PDE1C: variants seen among roughly 807,000 people sequenced by gnomAD.
PDE1C encodes phosphodiesterase 1C, also known as dual specificity calcium/calmodulin-dependent 3',5'-cyclic nucleotide phosphodiesterase 1C.
In PDE1C, 62 loss-of-function variants were observed where a neutral mutation model predicts 93.1. The ratio of observed to expected loss-of-function variants is 0.67; its 90% confidence interval spans 0.54 to 0.82. PDE1C has a LOEUF of 0.82. PDE1C is among the 40% of genes least tolerant of loss of function. The pLI, the probability that PDE1C is intolerant of heterozygous loss-of-function variation, is 0.00. For synonymous variants in PDE1C, 325 were observed against 310.1 expected (o/e 1.05, Z -0.50); for missense variants, 742 against 884.6 (o/e 0.84, Z 2.04).
At chr7:32,015,272 C>T (rs997600444) in intron 2 of PDE1C, among the ~76,000 whole-genome samples, 1 of 149,394 alleles carries the variant, frequency 6.7e-6, no homozygotes, top group Admixed American at 6.7e-5. Flanking sequence ...TGTATTCATG[C>T]TAGGAGCAAA....
At chr7:32,141,570 A>T (rs1350544105) in intron 3 of PDE1C, among the ~76,000 whole-genome samples, 1 of 152,190 alleles carries the variant, frequency 6.6e-6, no homozygotes, top group East Asian at 1.9e-4. Flanking sequence ...CAACAAACCC[A>T]AACAGAGAGA....
intron 16 of PDE1C, chr7:31,788,906 T>A (rs930052060): frequency 3.3e-5 from 5 of 152,160 alleles, no homozygotes; most frequent in African/African-American, 7.2e-5. Context: ...CCACATACAG[T>A]CTCTTTCTTT....
chr7:32,342,965 A>G (rs1160983319), intron 1 of PDE1C, among the ~76,000 whole-genome samples: 1 of 152,190 alleles, frequency 6.6e-6, no homozygotes, highest in Non-Finnish European at 1.5e-5. Context: ...ATCATTATCA[A>G]AGGAAAATGT....
At chr7:32,102,023 C>T (rs988842035) in intron 3 of PDE1C, among the ~76,000 whole-genome samples, 1 of 152,148 alleles carries the variant, frequency 6.6e-6, no homozygotes, top group African/African-American at 2.4e-5. Context: ...AGTGAGAACA[C>T]ACTTATTACT....
intron 1 of PDE1C, among the ~76,000 whole-genome samples, chr7:32,256,496 G>C (rs1809803915): frequency 6.6e-6 from 1 of 152,180 alleles, no homozygotes; most frequent in African/African-American, 2.4e-5. Context: ...CCTAATGGCA[G>C]CCAGCTCCCC....
chr7:31,956,648 C>T (rs1205494405), intron 2 of PDE1C, among the ~76,000 whole-genome samples: 1 of 151,342 alleles, frequency 6.6e-6, no homozygotes, highest in Admixed American at 6.6e-5. Context: ...CCTGCAGCCA[C>T]CAAGGGCAAC....
intron 2 of PDE1C, among the ~76,000 whole-genome samples, chr7:32,023,958 T>C (rs1789063164): frequency 6.6e-6 from 1 of 152,114 alleles, no homozygotes; most frequent in South Asian, 2.1e-4. Flanking sequence ...GGTTTTGAGA[T>C]TGTACCATAA....
chr7:31,837,387 C>T, intron 10 of PDE1C, 87 bp from the exon 11 acceptor site: 1 of 1,262,860 alleles, frequency 7.9e-7, no homozygotes, highest in Non-Finnish European at 1.1e-6. Flanking sequence ...AGTTTTTAAT[C>T]TCTTTTGTTC....
At chr7:31,910,438 T>C (rs1801083703) in intron 2 of PDE1C, among the ~76,000 whole-genome samples, 1 of 152,146 alleles carries the variant, frequency 6.6e-6, no homozygotes. Flanking sequence ...GGTGCTGTCT[T>C]GTACCAGCTC....
At chr7:32,235,012 A>G (rs996881983) in intron 1 of PDE1C, among the ~76,000 whole-genome samples, 4 of 152,106 alleles carry the variant, frequency 2.6e-5, no homozygotes, top group Admixed American at 6.5e-5. Context: ...CCATATGATC[A>G]TATCAGTTGA....
intron 1 of PDE1C, among the ~76,000 whole-genome samples, chr7:32,275,428 C>T (rs1811216076): frequency 6.6e-6 from 1 of 152,204 alleles, no homozygotes; most frequent in South Asian, 2.1e-4. Context: ...CATAGTCACT[C>T]ACACCAGTGA....
At position 32,124,931 on chromosome 7, in the gene PDE1C, G is replaced by C. The variant is rs558377597; in HGVS notation, c.308+44854C>G. On this transcript the variant is annotated intron_variant, in intron 3 of 18. Coordinates refer to the PDE1C transcript ENST00000396193. ...AAAAGAACTATCATTAGAGTAAACA[G>C]GCAACCTACAGAATGGGAGAAAATT... Among the ~76,000 whole-genome samples, 5 of 152,200 alleles carry C rather than the reference G, an allele frequency of 3.3e-5. No individual in the cohort carries two copies. In the East Asian group the frequency reaches 9.6e-4, roughly 29 times the overall value.
intron 2 of PDE1C, among the ~76,000 whole-genome samples, chr7:31,881,249 G>A (rs1407368013): frequency 6.6e-6 from 1 of 152,136 alleles, no homozygotes; most frequent in Non-Finnish European, 1.5e-5. Flanking sequence ...ACTTGGTCCA[G>A]CAGTGGCCCC....
intron 3 of PDE1C, among the ~76,000 whole-genome samples, chr7:32,105,072 A>T (rs1233875719): frequency 6.6e-6 from 1 of 152,206 alleles, no homozygotes; most frequent in Non-Finnish European, 1.5e-5. Flanking sequence ...ACTACAAAAG[A>T]AGATCTCAGC....
At chr7:31,738,051 C>T in the PDE1C span, among the ~76,000 whole-genome samples, 2 of 152,144 alleles carry the variant, frequency 1.3e-5, no homozygotes, top group African/African-American at 4.8e-5. Context: ...GCTGCTGTCA[C>T]CCAGTCCTCT....
chr7:31,776,434 G>C (rs1429092765), intron 16 of PDE1C, among the ~76,000 whole-genome samples: 1 of 152,120 alleles, frequency 6.6e-6, no homozygotes, highest in Non-Finnish European at 1.5e-5. Context: ...TGAGGAAGGG[G>C]ATTATCTTTG....
intron 2 of PDE1C, among the ~76,000 whole-genome samples, chr7:31,956,794 A>G (rs1808215318): frequency 6.6e-6 from 1 of 152,224 alleles, no homozygotes; most frequent in Non-Finnish European, 1.5e-5. Context: ...TAAGTCTTTC[A>G]AAGTATTCAT....
chr7:31,620,022 G>A, the PDE1C span, among the ~76,000 whole-genome samples: 1 of 152,186 alleles, frequency 6.6e-6, no homozygotes, highest in Non-Finnish European at 1.5e-5. Flanking sequence ...AGCAGTCTGA[G>A]ATCAAACTGC....
chr7:31,651,278 C>T, the PDE1C span: 2 of 1,611,542 alleles, frequency 1.2e-6, no homozygotes, highest in South Asian at 2.2e-5. Flanking sequence ...AGGTAATTAC[C>T]TAAGGGAGCC....
Sources: gnomAD v4.1 joint callset for allele counts (sites outside exome capture counted in the v4.1 genomes callset) on GRCh38, gnomAD v4.1.1 for gene constraint, MANE v1.5 for transcripts, NCBI Gene and HGNC (gene_info 2026-07-23, HGNC 2026-07-21) for gene names.